Variants in CAP2 observed in about 807,000 individuals in gnomAD.
The protein encoded by CAP2 is cyclase associated actin cytoskeleton regulatory protein 2.
In CAP2, 24 loss-of-function variants were observed where a neutral mutation model predicts 57.7. The observed-to-expected ratio is 0.42, with a 90% CI of 0.30 to 0.58. The LOEUF (loss-of-function observed/expected upper bound fraction) is 0.58, where lower values mean the gene tolerates loss of function less well. Ranked by LOEUF, CAP2 falls within the 20% of genes least tolerant of loss-of-function variation. The probability of loss-of-function intolerance (pLI) is 0.22; values close to 1 mark genes in which losing one functional copy is unlikely to be tolerated. For missense variants in CAP2, 501 were observed against 590.3 expected (o/e 0.85, Z 1.57); for synonymous variants, 194 against 207.2 (o/e 0.94, Z 0.55).
At chr6:17,472,847 G>A (rs377248455) in intron 4 of CAP2, among the ~76,000 whole-genome samples, 2 of 152,178 alleles carry the variant, frequency 1.3e-5, no homozygotes, top group African/African-American at 4.8e-5. Flanking sequence ...AGAGAGGGAG[G>A]TAATCAGAAA....
At chr6:17,521,713 G>A (rs904514701) in intron 7 of CAP2, among the ~76,000 whole-genome samples, 3 of 152,068 alleles carry the variant, frequency 2.0e-5, no homozygotes, top group African/African-American at 7.2e-5. Context: ...ATCCACACAA[G>A]GCATGACGCT....
intron 7 of CAP2, among the ~76,000 whole-genome samples, chr6:17,515,471 G>A (rs1220696474): frequency 6.6e-6 from 1 of 152,112 alleles, no homozygotes; most frequent in Admixed American, 6.5e-5. Context: ...AGGATGGAGG[G>A]AGGAGTCCAA....
chr6:17,473,038 T>G (rs1160185101), intron 4 of CAP2, among the ~76,000 whole-genome samples: 8 of 126,004 alleles, frequency 6.3e-5, no homozygotes, highest in African/African-American at 3.3e-4. Context: ...CATGGTGACC[T>G]TTTTTTTTTT....
intron 2 of CAP2, 109 bp downstream of exon 2, chr6:17,421,785 C>G: frequency 8.0e-7 from 1 of 1,250,968 alleles, no homozygotes; most frequent in Non-Finnish European, 1.2e-6. Context: ...CTTCCCTACT[C>G]CTTCCATCGT....
At chr6:17,466,223 T>A (rs9477442) in intron 4 of CAP2, among the ~76,000 whole-genome samples, 4,266 of 152,298 alleles carry the variant, frequency 0.028, 185 homozygotes, top group African/African-American at 0.096. Flanking sequence ...GTCCTCCTTC[T>A]TTCAGGAGGA....
intron 3 of CAP2, among the ~76,000 whole-genome samples, chr6:17,447,587 C>T (rs1760296010): frequency 6.6e-6 from 1 of 152,216 alleles, no homozygotes; most frequent in Non-Finnish European, 1.5e-5. Flanking sequence ...CAACCTCCAC[C>T]ACCTGGGTTC....
intron 7 of CAP2, among the ~76,000 whole-genome samples, chr6:17,523,428 G>A (rs529197623): frequency 2.0e-5 from 3 of 152,294 alleles, no homozygotes; most frequent in South Asian, 2.1e-4. Context: ...GAGTCAGGAG[G>A]TGAGATTTAG....
At chr6:17,445,249 G>A (rs1760224532) in intron 3 of CAP2, among the ~76,000 whole-genome samples, 1 of 152,170 alleles carries the variant, frequency 6.6e-6, no homozygotes, top group Non-Finnish European at 1.5e-5. Context: ...TGAGATTACA[G>A]GCATGTGCCA....
intron 9 of CAP2, among the ~76,000 whole-genome samples, chr6:17,542,086 CCT>C (rs1334697259): frequency 1.3e-5 from 2 of 152,154 alleles, no homozygotes; most frequent in Non-Finnish European, 2.9e-5. Context: ...CCAATAGCTC[CCT>C]GTTTCTCCCC....
intron 7 of CAP2, among the ~76,000 whole-genome samples, chr6:17,527,455 G>A (rs541466742): frequency 6.6e-6 from 1 of 152,200 alleles, no homozygotes; most frequent in East Asian, 1.9e-4. Context: ...AGACAATCTG[G>A]AAATTCCAGA....
intron 12 of CAP2, among the ~76,000 whole-genome samples, chr6:17,552,629 C>CACAA (rs903206823): frequency 5.3e-5 from 8 of 152,120 alleles, no homozygotes; most frequent in Non-Finnish European, 1.2e-4. Context: ...GAGACTCAGT[C>CACAA]ACAAACAAAC....
intron 4 of CAP2, among the ~76,000 whole-genome samples, chr6:17,473,864 G>T (rs917354320): frequency 6.6e-6 from 1 of 152,192 alleles, no homozygotes; most frequent in Non-Finnish European, 1.5e-5. Flanking sequence ...TCACTGTGCA[G>T]TACTTTTAAT....
At chr6:17,456,353 A>G (rs573866760) in intron 3 of CAP2, among the ~76,000 whole-genome samples, 1 of 152,356 alleles carries the variant, frequency 6.6e-6, no homozygotes, top group Non-Finnish European at 1.5e-5. Flanking sequence ...TCATGTTTAC[A>G]AAATCAAGCA....
At chr6:17,463,197 T>C (rs374033818) in intron 4 of CAP2, 124 bp downstream of exon 4, 36 of 670,002 alleles carry the variant, frequency 5.4e-5, no homozygotes, top group Middle Eastern at 3.2e-4. Flanking sequence ...AGCACGTGTA[T>C]GTTCTGTCTC....
intron 4 of CAP2, among the ~76,000 whole-genome samples, chr6:17,496,498 T>C (rs536555043): frequency 1.4e-4 from 21 of 152,158 alleles, no homozygotes; most frequent in Non-Finnish European, 2.2e-4. Flanking sequence ...TTTCTTTCTT[T>C]CTTTTTTTGT....
intron 11 of CAP2, among the ~76,000 whole-genome samples, chr6:17,547,011 A>T (rs7764635): frequency 0.06 from 9,128 of 152,246 alleles, 926 homozygotes; most frequent in African/African-American, 0.21. Flanking sequence ...ATGTGCAAAA[A>T]TCACAAGCAT....
At position 17,401,080 on chromosome 6, in the gene CAP2, G is replaced by A. The variant is rs1315792289; in HGVS notation, c.-2+7334G>A. Among the ~76,000 whole-genome samples, 3 of 152,088 alleles carry A rather than the reference G, an allele frequency of 2.0e-5. 1 individual carries two copies. In the South Asian group the frequency reaches 6.2e-4, roughly 31 times the overall value. The stretch of plus-strand genomic sequence containing the variant: ...GGCATCCATTTGTAATCTTAGCTTC[G>A]AAGCTGCTGTGGTCTGAATGTTTAT... On this transcript the variant is annotated intron_variant, in intron 1 of 12. Transcript: ENST00000229922.
chr6:17,483,120 G>T (rs966325239), intron 4 of CAP2, among the ~76,000 whole-genome samples: 1 of 152,198 alleles, frequency 6.6e-6, no homozygotes, highest in East Asian at 1.9e-4. Context: ...TTGCAAAAGT[G>T]TGTTTTCATA....
chr6:17,449,157 T>C (rs1447187152), intron 3 of CAP2, among the ~76,000 whole-genome samples: 1 of 152,208 alleles, frequency 6.6e-6, no homozygotes, highest in Non-Finnish European at 1.5e-5. Context: ...AAGTAATGTA[T>C]GTATGAGAAT....
Sources: allele counts gnomAD v4.1 joint callset (sites outside exome capture counted in the v4.1 genomes callset), GRCh38; gene constraint gnomAD v4.1.1; transcripts MANE v1.5; gene names NCBI Gene and HGNC (gene_info 2026-07-23, HGNC 2026-07-21).